The following FRZB variants were observed in gnomAD, a reference collection of about 807,000 sequenced individuals.
FRZB encodes frizzled related protein, also known as secreted frizzled-related protein 3.
FRZB carries 34 observed loss-of-function variants against 32.5 expected under a neutral mutation model. The ratio of observed to expected loss-of-function variants is 1.05; its 90% CI spans 0.80 to 1.39. The LOEUF (loss-of-function observed/expected upper bound fraction) is 1.39, where lower values mean the gene tolerates loss of function less well. Among genes scored for constraint, FRZB ranks in the 40% most tolerant of loss-of-function variants. FRZB has a pLI of 0.00. For synonymous variants in FRZB, 170 were observed against 159.2 expected, an observed-to-expected ratio of 1.07 and a Z score of -0.51; for missense variants, 423 against 424.8, an observed-to-expected ratio of 1.00 and a Z score of 0.04.
chr2:182,858,844 G>T lies in FRZB; in HGVS notation c.479-11C>A, dbSNP rs747716894. On this transcript the variant is annotated splice_polypyrimidine_tract_variant and intron_variant, in intron 1 of 5. Transcript: ENST00000295113. ...AATCCATAGGAAAATCTGAAAGGAG[G>T]TGACAGAAAAAAGAACTATAACATA... The T allele has an allele frequency of 6.2e-7, 1 of 1,604,994 alleles. No individual in the cohort carries two copies. The highest frequency in any genetic ancestry group is 1.1e-5 in the South Asian group (1 of 90,776).
rs112797950 is a variant in FRZB at position 182,838,511 on chromosome 2, C to T, written c.695G>A (p.Arg232Gln). The change falls in exon 4 of 6, where the codon CGG (arginine) becomes CAG (glutamine). Residue 232 changes from arginine to glutamine, a missense_variant. Arg to Gln is a conservative substitution (Grantham distance 43, BLOSUM62 1). Coordinates refer to ENST00000295113, the MANE Select transcript of FRZB (RefSeq NM_001463.4). ...ILKSSLVNIP[R>Q]DTVNLYTSSG... The stretch of plus-strand genomic sequence containing the variant: ...GCTGGTATAGAGGTTGACAGTGTCC[C>T]GTGGAATGTTTACCAGAGAGGACTT... 3.6e-3 allele frequency: 5,878 copies of T among 1,612,838 alleles called. 12 individuals carry two copies. Among genetic ancestry groups the T allele is most frequent in the Non-Finnish European group, 4.4e-3 (5,133 of 1,179,170 alleles).
At chr2:182,865,602 G>C (rs1695881437) in intron 1 of FRZB, among the ~76,000 whole-genome samples, 1 of 152,142 alleles carries the variant, frequency 6.6e-6, no homozygotes, top group Admixed American at 6.5e-5. Context: ...TCAGTTTTCT[G>C]TTTCCTCCAC....
chr2:182,843,246 A>T (rs1187079230), intron 2 of FRZB, among the ~76,000 whole-genome samples: 1 of 152,188 alleles, frequency 6.6e-6, no homozygotes. Flanking sequence ...GGTTGGTACA[A>T]AAGGAGTTGT....
chr2:182,842,830 C>T (rs1695600658), intron 2 of FRZB, among the ~76,000 whole-genome samples: 1 of 152,144 alleles, frequency 6.6e-6, no homozygotes, highest in Non-Finnish European at 1.5e-5. Context: ...GAGCATGACC[C>T]CTTAATCCTG....
In FRZB at chr2:182,833,732, C is replaced by T. The variant is rs1695490631; in HGVS notation, c.*1117G>A. ...TAGACATTTTTCGCTGAGCATTAAG[C>T]AGCACAAATCCAAATGATAAAGTGC... On this transcript the variant is annotated 3_prime_UTR_variant, in exon 6 of 6. Coordinates refer to ENST00000295113, the MANE Select transcript of FRZB (RefSeq NM_001463.4). The T allele has an allele frequency of 6.6e-6, 1 of 152,094 alleles. No individual in the cohort carries two copies. The highest frequency in any genetic ancestry group is 6.6e-5 in the Admixed American group (1 of 15,250). 9.4% of individuals were successfully genotyped at this position (152,094 alleles called of 1,614,324 possible).
At chr2:182,840,252 A>C (rs1485931325) in intron 3 of FRZB, among the ~76,000 whole-genome samples, 1 of 152,118 alleles carries the variant, frequency 6.6e-6, no homozygotes, top group East Asian at 1.9e-4. Flanking sequence ...GAATCAGATG[A>C]GAAATTCACA....
chr2:182,856,160 A>AAT (rs1695766074), intron 2 of FRZB, among the ~76,000 whole-genome samples: 1 of 151,990 alleles, frequency 6.6e-6, no homozygotes, highest in Non-Finnish European at 1.5e-5. Context: ...CTTCAGACAG[A>AAT]ACTTCTGTCT....
chr2:182,847,433 G>A (rs1432963362), intron 2 of FRZB, among the ~76,000 whole-genome samples: 1 of 152,134 alleles, frequency 6.6e-6, no homozygotes, highest in Admixed American at 6.5e-5. Context: ...TAAAAGCAGG[G>A]TAGTCCTCTG....
chr2:182,858,224 C>T (rs527282905), intron 2 of FRZB, among the ~76,000 whole-genome samples: 96 of 152,300 alleles, frequency 6.3e-4, no homozygotes, highest in African/African-American at 1.9e-3. Flanking sequence ...GCTCTATTCG[C>T]GATTGCTCCA....
rs952670276 is a variant in FRZB, at chr2:182,866,584, C to A, written c.-32G>T. The A allele has an allele frequency of 1.7e-5, 23 of 1,385,244 alleles. No homozygotes were observed. Among genetic ancestry groups the A allele is most frequent in the Non-Finnish European group, 2.2e-5 (23 of 1,059,282 alleles). The allele number at this position is 1,385,244 out of a possible 1,614,324, so 85.8% of individuals were successfully genotyped here. ...GGCAGGATGGGGCAGGGTGCAGCCG[C>A]GCAGTGGACGCCAAAAGGCCCGCTC... On this transcript the variant is annotated 5_prime_UTR_variant, in exon 1 of 6. Transcript: ENST00000295113. This position sits in a 1 kb window ranked among gnomAD's most constrained non-coding sequence, Gnocchi z 4.5.
intron 1 of FRZB, among the ~76,000 whole-genome samples, chr2:182,861,867 C>T (rs1394739882): frequency 6.6e-6 from 1 of 152,162 alleles, no homozygotes; most frequent in Non-Finnish European, 1.5e-5. Flanking sequence ...CATAAGATTA[C>T]ATTACTCCTG....
intron 1 of FRZB, among the ~76,000 whole-genome samples, chr2:182,859,956 C>T (rs536532914): frequency 2.0e-5 from 3 of 152,268 alleles, no homozygotes; most frequent in East Asian, 3.9e-4. Flanking sequence ...ATTACAGTAA[C>T]GTGCCAGTGG....
At chr2:182,863,017 G>T (rs559114280) in intron 1 of FRZB, among the ~76,000 whole-genome samples, 1 of 152,062 alleles carries the variant, frequency 6.6e-6, no homozygotes, top group Non-Finnish European at 1.5e-5. Context: ...TGATCCACCC[G>T]CCTCGGCCTT....
At chr2:182,840,549 T>C (rs1695576325) in intron 3 of FRZB, among the ~76,000 whole-genome samples, 1 of 152,050 alleles carries the variant, frequency 6.6e-6, no homozygotes, top group Non-Finnish European at 1.5e-5. Flanking sequence ...TTCCAACTGC[T>C]CCCACCTTGA....
chr2:182,852,119 A>G (rs942728424), intron 2 of FRZB, among the ~76,000 whole-genome samples: 2 of 152,206 alleles, frequency 1.3e-5, no homozygotes, highest in Non-Finnish European at 2.9e-5. Context: ...GTCAGTAAAC[A>G]TTTGTACCAA....
intron 1 of FRZB, among the ~76,000 whole-genome samples, chr2:182,861,226 G>A (rs1225567221): frequency 2.0e-5 from 3 of 152,166 alleles, no homozygotes; most frequent in Non-Finnish European, 4.4e-5. Flanking sequence ...AGAAAGTTAG[G>A]AATTACATTT....
At chr2:182,836,493 C>G (rs1321596084) in intron 5 of FRZB, among the ~76,000 whole-genome samples, 2 of 151,998 alleles carry the variant, frequency 1.3e-5, no homozygotes. Flanking sequence ...ACAATAATAA[C>G]TCTGCAAGTC....
rs752928002 is a variant in FRZB, at chr2:182,842,514, T to C, written c.556A>G (p.Thr186Ala). 1.2e-6 allele frequency: 2 copies of C among 1,612,968 alleles called. No individual in the cohort carries two copies. The highest frequency in any genetic ancestry group is 2.2e-5 in the South Asian group (2 of 91,022). Residue 186 changes from threonine to alanine, a missense_variant, in exon 3 of 6, where the codon ACA becomes GCA. Coordinates refer to ENST00000295113, the MANE Select transcript of FRZB (RefSeq NM_001463.4). The part of the protein sequence containing the change: ...ERCKCKPIRA[T>A]QKTYFRNNYN... Reference sequence around the variant, plus strand: ...TTGTTCCGGAAATAGGTCTTCTGTGTAGCTCTAATAGGCTTACATTTACAG... The same window carrying C: ...TTGTTCCGGAAATAGGTCTTCTGTGCAGCTCTAATAGGCTTACATTTACAG...
At chr2:182,847,432 G>A (rs186911264) in intron 2 of FRZB, among the ~76,000 whole-genome samples, 14 of 152,248 alleles carry the variant, frequency 9.2e-5, no homozygotes, top group Admixed American at 9.2e-4. Flanking sequence ...ATAAAAGCAG[G>A]GTAGTCCTCT....
Sources: gnomAD v4.1 joint callset for allele counts (sites outside exome capture counted in the v4.1 genomes callset) on GRCh38, gnomAD v4.1.1 for gene constraint, Gnocchi (gnomAD v3.1) non-coding constraint, MANE v1.5 for transcripts, NCBI Gene and HGNC (gene_info 2026-07-23, HGNC 2026-07-21) for gene names.